TNFRSF10B: variants seen among roughly 807,000 people sequenced by gnomAD.
The protein encoded by TNFRSF10B is tumor necrosis factor receptor superfamily member 10B.
Under a neutral mutation model 41.4 loss-of-function variants are expected in TNFRSF10B, and 35 were observed. That is an observed-to-expected ratio of 0.85 (90% CI 0.65 to 1.12). The LOEUF is 1.12. Ranked by LOEUF, TNFRSF10B falls within the 50% of genes most tolerant of loss-of-function variation. The pLI is 0.00. For missense variants in TNFRSF10B, 584 were observed against 552.7 expected (o/e 1.06, Z -0.57); for synonymous variants, 230 against 215.5 (o/e 1.07, Z -0.59).
intron 1 of TNFRSF10B, among the ~76,000 whole-genome samples, chr8:23,067,692 C>T (rs913674423): frequency 6.6e-6 from 1 of 152,132 alleles, no homozygotes; most frequent in Non-Finnish European, 1.5e-5. Flanking sequence ...TGGTGTGGGG[C>T]GGAAACAGTG....
At position 23,068,707 on chromosome 8, in the gene TNFRSF10B, C is replaced by A. The variant is rs767468851; in HGVS notation, c.144+44G>T. On this transcript the variant is annotated intron_variant, in intron 1 of 8. Transcript: ENST00000276431. ...CCTCTCTCCCTGCCCTCTCCAGGCG[C>A]CAGGCACGCTCTTCCCCAGCCAGGG... The A allele has an allele frequency of 3.2e-6, 5 of 1,546,456 alleles. No individual in the cohort carries two copies. In the Admixed American group the frequency reaches 9.8e-5, roughly 30 times the overall value.
rs143350488 is a variant in TNFRSF10B, at chr8:23,048,572, T to C, written c.145-5329A>G. The stretch of plus-strand genomic sequence containing the variant: ...TGGTTAGACAGGAGGAATAAGATTT[T>C]TGAGATCTGTTGCACAGTGCAATGA... On this transcript the variant is annotated intron_variant, in intron 1 of 8. Transcript: ENST00000276431. 2.3e-3 allele frequency among the ~76,000 whole-genome samples: 345 copies of C among 152,266 alleles called. 1 individual carries two copies. Among genetic ancestry groups the C allele is most frequent in the Non-Finnish European group, 4.4e-3 (302 of 68,020 alleles).
chr8:23,034,245 G>A (rs1348510697), intron 2 of TNFRSF10B, among the ~76,000 whole-genome samples: 4 of 152,068 alleles, frequency 2.6e-5, no homozygotes, highest in Non-Finnish European at 4.4e-5. Context: ...CTCAGAAAGG[G>A]GCCAGTGGGT....
At chr8:23,043,327 G>T in intron 1 of TNFRSF10B, 84 bp from the exon 2 acceptor site, 1 of 1,060,216 alleles carries the variant, frequency 9.4e-7, no homozygotes, top group Non-Finnish European at 1.4e-6. Flanking sequence ...TTGAGCCCAG[G>T]CACCCAAGCT....
chr8:23,054,889 C>T (rs1467321733), intron 1 of TNFRSF10B, among the ~76,000 whole-genome samples: 1 of 152,148 alleles, frequency 6.6e-6, no homozygotes, highest in Non-Finnish European at 1.5e-5. Context: ...AATAATTATT[C>T]TTGCTGCACG....
At chr8:23,057,672 A>C (rs566661051) in intron 1 of TNFRSF10B, among the ~76,000 whole-genome samples, 1 of 152,010 alleles carries the variant, frequency 6.6e-6, no homozygotes, top group East Asian at 1.9e-4. Flanking sequence ...CCTCAGGTGA[A>C]TCCGCCTACC....
intron 1 of TNFRSF10B, among the ~76,000 whole-genome samples, chr8:23,052,199 G>A (rs1160947493): frequency 6.6e-6 from 1 of 151,284 alleles, no homozygotes; most frequent in South Asian, 2.1e-4. Flanking sequence ...TTAAACAACA[G>A]ATATCTAATT....
At chr8:23,042,338 A>G (rs1812226453) in intron 2 of TNFRSF10B, among the ~76,000 whole-genome samples, 1 of 152,244 alleles carries the variant, frequency 6.6e-6, no homozygotes, top group African/African-American at 2.4e-5. Flanking sequence ...GGATTTTAAA[A>G]GCCACTGCTT....
chr8:23,029,627 G>A lies in TNFRSF10B; in HGVS notation c.459C>T (p.Cys153=). 6.2e-7 allele frequency: 1 copy of A among 1,611,746 alleles called. No homozygotes were observed. Among genetic ancestry groups the A allele is most frequent in the Non-Finnish European group, 8.5e-7 (1 of 1,178,966 alleles). The part of the protein sequence containing the change: ...TFREEDSPEM[C]RKCRTGCPRG... The stretch of plus-strand genomic sequence containing the variant: ...TGTCTCACCCTGTGCGGCACTTCCG[G>A]CACATCTCAGGAGAATCTTCTTCCC... The change falls in exon 4 of 9, where the codon TGC becomes TGT. Residue 153 remains cysteine, a synonymous_variant. Transcript: ENST00000276431.
At chr8:23,053,912 A>G (rs978791088) in intron 1 of TNFRSF10B, among the ~76,000 whole-genome samples, 5 of 152,216 alleles carry the variant, frequency 3.3e-5, no homozygotes, top group African/African-American at 1.2e-4. Flanking sequence ...GAAGACTCCT[A>G]TAATTCTGAT....
chr8:23,040,422 A>ATTATATATGTACAAAATATGTAT lies in TNFRSF10B; in HGVS notation c.250+2715_250+2716insATACATATTTTGTACATATATAA, dbSNP rs1422710958. ...AAATATATATACAAAATATATATTT[A>ATTATATATGTACAAAATATGTAT]TTAAATATATATATACAAAATATAT... On this transcript the variant is annotated intron_variant, in intron 2 of 8. Coordinates refer to ENST00000276431, the MANE Select transcript of TNFRSF10B (RefSeq NM_003842.5). 8.2e-3 allele frequency among the ~76,000 whole-genome samples: 265 copies of ATTATATATGTACAAAATATGTAT among 32,404 alleles called. 7 individuals carry two copies. Among genetic ancestry groups the ATTATATATGTACAAAATATGTAT allele is most frequent in the Middle Eastern group, 0.02 (1 of 50 alleles). 21.3% of individuals were successfully genotyped at this position (32,404 alleles called of 152,430 possible).
rs1424068935 is a variant in TNFRSF10B at position 23,040,311 on chromosome 8, TAATA to T, written c.250+2823_250+2826del. ...TTATTAAATATATATAATATATATT[TAATA>T]AATATATATACAAAATATATATTTA... On this transcript the variant is annotated intron_variant, in intron 2 of 8. Transcript: ENST00000276431. Among the ~76,000 whole-genome samples, 3 of 40,166 alleles carry T rather than the reference TAATA, an allele frequency of 7.5e-5. 1 individual carries two copies. Among genetic ancestry groups the T allele is most frequent in the Admixed American group, 6.6e-4 (2 of 3,022 alleles). 26.4% of individuals were successfully genotyped at this position (40,166 alleles called of 152,430 possible).
intron 2 of TNFRSF10B, among the ~76,000 whole-genome samples, chr8:23,032,414 C>T (rs1811910510): frequency 6.6e-6 from 1 of 152,202 alleles, no homozygotes; most frequent in Admixed American, 6.5e-5. Context: ...GAAAAGGGGA[C>T]TAAAGCTGCC....
At chr8:23,065,677 A>G (rs780228460) in intron 1 of TNFRSF10B, among the ~76,000 whole-genome samples, 7 of 152,254 alleles carry the variant, frequency 4.6e-5, no homozygotes, top group Non-Finnish European at 8.8e-5. Flanking sequence ...TTATATGTAG[A>G]TAAAAGCTAG....
chr8:23,064,519 AAG>A (rs1812926995), intron 1 of TNFRSF10B, among the ~76,000 whole-genome samples: 1 of 152,032 alleles, frequency 6.6e-6, no homozygotes, highest in Admixed American at 6.5e-5. Flanking sequence ...GGGCATGGTT[AAG>A]AGAGAGAAGG....
At chr8:23,035,770 G>C (rs1268401363) in intron 2 of TNFRSF10B, among the ~76,000 whole-genome samples, 2 of 152,142 alleles carry the variant, frequency 1.3e-5, no homozygotes, top group Non-Finnish European at 2.9e-5. Flanking sequence ...CCAAGAAAAT[G>C]ACACAATGCC....
At position 23,020,164 on chromosome 8, in the gene TNFRSF10B, C is replaced by A. The variant is rs1316417937; in HGVS notation, c.*2507G>T. On this transcript the variant is annotated 3_prime_UTR_variant, in exon 9 of 9. Coordinates refer to ENST00000276431, the MANE Select transcript of TNFRSF10B (RefSeq NM_003842.5). ...TATAAGGTTTCATATTTAATTTGGT[C>A]ATGGATTCATAAATACATAAGTATT... The A allele has an allele frequency of 2.4e-6, 1 of 412,740 alleles. No individual in the cohort carries two copies. The highest frequency in any genetic ancestry group is 1.7e-5 in the South Asian group (1 of 58,070). The allele number at this position is 412,740 out of a possible 1,614,324, so 25.6% of individuals were successfully genotyped here.
chr8:23,067,851 G>A lies in TNFRSF10B; in HGVS notation c.144+900C>T, dbSNP rs374537614. ...CTGTACAGTCTTGAGTTAGGTCTAGGCCCACACACTTCCCCACTCTGAGCT... is the reference window on the plus strand; with the variant it reads ...CTGTACAGTCTTGAGTTAGGTCTAGACCCACACACTTCCCCACTCTGAGCT... On this transcript the variant is annotated intron_variant, in intron 1 of 8. Transcript: ENST00000276431. Among the ~76,000 whole-genome samples the A allele has an allele frequency of 5.5e-4, 83 of 152,088 alleles. 3 individuals carry two copies. The East Asian group carries it at 9.1e-3, about 17-fold the overall frequency.
intron 1 of TNFRSF10B, among the ~76,000 whole-genome samples, chr8:23,063,519 A>G (rs541650623): frequency 2.8e-4 from 43 of 152,024 alleles, no homozygotes; most frequent in South Asian, 8.3e-4. Flanking sequence ...ACTCTTTCTT[A>G]TTTGGTAATG....
Sources: gnomAD v4.1 joint callset for allele counts (sites outside exome capture counted in the v4.1 genomes callset) on GRCh38, gnomAD v4.1.1 for gene constraint, MANE v1.5 for transcripts, NCBI Gene and HGNC (gene_info 2026-07-23, HGNC 2026-07-21) for gene names.